Variants in FRAS1 observed in about 807,000 individuals in gnomAD.
The protein encoded by FRAS1 is Fraser extracellular matrix complex subunit 1.
Under a neutral mutation model 435.2 loss-of-function variants are expected in FRAS1, and 290 were observed. The ratio of observed to expected loss-of-function variants is 0.67; its 90% CI spans 0.61 to 0.73. The LOEUF (loss-of-function observed/expected upper bound fraction) is 0.73. Among genes scored for constraint, FRAS1 ranks in the 30% least tolerant of loss-of-function variants. FRAS1 has a pLI of 0.00. For synonymous variants in FRAS1, 1,800 were observed against 1,851.0 expected, an observed-to-expected ratio of 0.97 and a Z score of 0.71; for missense variants, 4,860 against 5,001.5, an observed-to-expected ratio of 0.97 and a Z score of 0.85.
chr4:78,293,559 T>G (rs1371177967), intron 14 of FRAS1, among the ~76,000 whole-genome samples: 1 of 152,196 alleles, frequency 6.6e-6, no homozygotes, highest in Non-Finnish European at 1.5e-5. Context: ...TTGTGGGCTT[T>G]ATTAGAGTTG....
intron 42 of FRAS1, 35 bp from the exon 43 acceptor site, chr4:78,446,692 T>C (rs764810035): frequency 8.2e-6 from 13 of 1,590,004 alleles, no homozygotes; most frequent in Admixed American, 1.9e-5. Flanking sequence ...TTCTTAAATA[T>C]CTGTGTGAGA....
In FRAS1 at chr4:78,428,182, C is replaced by A. The variant is rs115483727; in HGVS notation, c.4712-913C>A. On this transcript the variant is annotated intron_variant, in intron 35 of 73. Coordinates refer to ENST00000512123, the MANE Select transcript of FRAS1 (RefSeq NM_025074.7). ...GATGTTCACTTGGATGTCAAAAAAT[C>A]CAGGGAAATAAAATCTTAAGGTCAC... 5.8e-4 allele frequency among the ~76,000 whole-genome samples: 89 copies of A among 152,238 alleles called. 1 individual carries two copies. Among genetic ancestry groups the A allele is most frequent in the Middle Eastern group, 3.4e-3 (1 of 294 alleles).
In FRAS1 at chr4:78,494,376, T is replaced by G. The variant is rs1016579921; in HGVS notation, c.8959-2429T>G. 2.6e-5 allele frequency among the ~76,000 whole-genome samples: 4 copies of G among 152,134 alleles called. 1 individual carries two copies. Among genetic ancestry groups the G allele is most frequent in the Non-Finnish European group, 5.9e-5 (4 of 68,030 alleles). On this transcript the variant is annotated intron_variant, in intron 59 of 73. Transcript: ENST00000512123. ...ATTTGGCTCACAGTTCTGCAGGCTG[T>G]ACAAGAAACATGGTGCCAGCATCTG...
chr4:78,057,588 C>A lies in FRAS1; in HGVS notation c.-422C>A. 1 of 181,484 alleles carries A rather than the reference C, an allele frequency of 5.5e-6. No homozygotes were observed. The highest frequency in any genetic ancestry group is 1.1e-5 in the Non-Finnish European group (1 of 87,608). 11.2% of individuals were successfully genotyped at this position (181,484 alleles called of 1,614,324 possible). On this transcript the variant is annotated 5_prime_UTR_variant, in exon 1 of 74. Transcript: ENST00000512123. The surrounding 1 kb of genome is among the most constrained non-coding windows in gnomAD (Gnocchi z 4.2). ...CCAAGCGAACTTTAAAAAGCTGCTT[C>A]GGACAAACCAGAGCCAGGATTTCCA...
chr4:78,466,146 A>G (rs1719520090), intron 49 of FRAS1, 62 bp from the exon 50 acceptor site: 2 of 1,363,940 alleles, frequency 1.5e-6, no homozygotes, highest in Non-Finnish European at 2.1e-6. Flanking sequence ...ATTGGGCATC[A>G]CTCACTCTTT....
chr4:78,085,127 A>G (rs1741083814), intron 2 of FRAS1, among the ~76,000 whole-genome samples: 1 of 152,096 alleles, frequency 6.6e-6, no homozygotes, highest in African/African-American at 2.4e-5. Flanking sequence ...TCTTTTGTCT[A>G]AGGATAGATA....
chr4:78,435,525 GGTCAGGA>G (rs1362863772), intron 38 of FRAS1, among the ~76,000 whole-genome samples: 1 of 152,066 alleles, frequency 6.6e-6, no homozygotes, highest in East Asian at 1.9e-4. Flanking sequence ...GATCATTTGA[GGTCAGGA>G]GTTTGAGATC....
intron 2 of FRAS1, among the ~76,000 whole-genome samples, chr4:78,153,778 T>C (rs1720769978): frequency 6.6e-6 from 1 of 152,222 alleles, no homozygotes; most frequent in South Asian, 2.1e-4. Flanking sequence ...TAGCAGATTT[T>C]TCAGTGTTTC....
intron 2 of FRAS1, chr4:78,181,361 T>C (rs1415637419): frequency 6.2e-7 from 1 of 1,611,694 alleles, no homozygotes; most frequent in African/African-American, 1.3e-5. Context: ...AGTTAATTCG[T>C]CTTTGACAGT....
chr4:78,344,486 A>G (rs1730523641), intron 20 of FRAS1, among the ~76,000 whole-genome samples: 2 of 106,234 alleles, frequency 1.9e-5, no homozygotes, highest in African/African-American at 1.1e-4. Flanking sequence ...AGAGTCTGGA[A>G]TGTGATTCCA....
chr4:78,187,946 C>T (rs2866998), intron 2 of FRAS1, among the ~76,000 whole-genome samples: 135,385 of 152,198 alleles, frequency 0.89, 62,287 homozygotes, highest in Non-Finnish European at 1. Context: ...TGATTTTATG[C>T]GTCTGTTTCA....
intron 29 of FRAS1, among the ~76,000 whole-genome samples, chr4:78,391,049 A>T (rs112932097): frequency 1.5e-3 from 229 of 152,166 alleles, no homozygotes; most frequent in Non-Finnish European, 2.5e-3. Context: ...TTTTGGATGG[A>T]TGGGTAATGG....
intron 3 of FRAS1, among the ~76,000 whole-genome samples, chr4:78,244,400 G>A (rs1725142135): frequency 6.6e-6 from 1 of 152,014 alleles, no homozygotes; most frequent in East Asian, 1.9e-4. Context: ...ATCACTAATT[G>A]CCTGTTCTGC....
intron 2 of FRAS1, among the ~76,000 whole-genome samples, chr4:78,236,806 T>C (rs1724782381): frequency 6.6e-6 from 1 of 152,206 alleles, no homozygotes; most frequent in African/African-American, 2.4e-5. Context: ...TTGTTTTCCT[T>C]TCCAATTTGT....
rs1560423168 is a variant in FRAS1 at position 78,518,445 on chromosome 4, TATATA to T, written c.10390-885_10390-881del. Reference sequence around the variant, plus strand: ...GTGTATATATATATATATATATATATATATATATTTATTTATTTATTTATTTGTGG... The same window carrying T: ...GTGTATATATATATATATATATATATTATTTATTTATTTATTTATTTGTGG... On this transcript the variant is annotated intron_variant, in intron 66 of 73. Transcript: ENST00000512123. Among the ~76,000 whole-genome samples the T allele has an allele frequency of 4.5e-5, 6 of 132,528 alleles. No individual in the cohort carries two copies. The South Asian group carries it at 9.1e-4, about 20-fold the overall frequency. The allele number at this position is 132,528 out of a possible 152,430, so 86.9% of individuals were successfully genotyped here. A position where few individuals can be genotyped will look rare whatever the true frequency, so the allele number is the denominator to read the frequency against.
At chr4:78,370,904 C>G (rs1256986000) in intron 23 of FRAS1, among the ~76,000 whole-genome samples, 1 of 152,158 alleles carries the variant, frequency 6.6e-6, no homozygotes, top group Non-Finnish European at 1.5e-5. Context: ...CCACATTTCT[C>G]TCTATCCCTC....
intron 41 of FRAS1, among the ~76,000 whole-genome samples, chr4:78,442,887 C>T (rs750011151): frequency 6.6e-6 from 1 of 152,150 alleles, no homozygotes; most frequent in Non-Finnish European, 1.5e-5. Flanking sequence ...AAGGACCACA[C>T]TTAGAGAACT....
chr4:78,208,275 G>C, intron 2 of FRAS1, among the ~76,000 whole-genome samples: 1 of 152,136 alleles, frequency 6.6e-6, no homozygotes, highest in East Asian at 1.9e-4. Context: ...ACATCTCCTG[G>C]AACAAAAGAA....
chr4:78,250,906 T>C (rs1256409176), intron 4 of FRAS1, among the ~76,000 whole-genome samples: 1 of 152,204 alleles, frequency 6.6e-6, no homozygotes, highest in Non-Finnish European at 1.5e-5. Context: ...GTTTTTGCTA[T>C]TTTGAAAATT....
Sources: allele counts gnomAD v4.1 joint callset (sites outside exome capture counted in the v4.1 genomes callset), GRCh38; gene constraint gnomAD v4.1.1; non-coding constraint Gnocchi (gnomAD v3.1); transcripts MANE v1.5; gene names NCBI Gene and HGNC (gene_info 2026-07-23, HGNC 2026-07-21).